The following AGBL1 variants were observed in gnomAD, a reference collection of about 807,000 sequenced individuals.
The protein encoded by AGBL1 is cytosolic carboxypeptidase 4.
In AGBL1, 130 loss-of-function variants were observed where a neutral mutation model predicts 118.9. The ratio of observed to expected loss-of-function variants is 1.09; its 90% CI spans 0.95 to 1.26. The LOEUF is 1.26. AGBL1 is among the 50% of genes most tolerant of loss of function. The probability of loss-of-function intolerance (pLI) is 0.00; values close to 1 mark genes in which losing one functional copy is unlikely to be tolerated. For missense variants in AGBL1, 1,584 were observed against 1,298.1 expected (o/e 1.22, Z -3.38); for synonymous variants, 555 against 478.9 (o/e 1.16, Z -2.08).
intron 22 of AGBL1, among the ~76,000 whole-genome samples, chr15:86,817,307 A>AC (rs1022066342): frequency 6.6e-6 from 1 of 151,568 alleles, no homozygotes; most frequent in African/African-American, 2.4e-5. Context: ...AAAAAAAAAA[A>AC]AAACCACCAA....
intron 21 of AGBL1, among the ~76,000 whole-genome samples, chr15:86,573,987 A>G (rs2142316233): frequency 6.6e-6 from 1 of 152,304 alleles, no homozygotes; most frequent in African/African-American, 2.4e-5. Context: ...ACATTTTCAT[A>G]AACTTTATTT....
rs2142013265 is a variant in AGBL1 at position 86,256,809 on chromosome 15, T to G, written c.736-44T>G. The G allele has an allele frequency of 1.9e-6, 3 of 1,604,470 alleles. No individual in the cohort carries two copies. In the Admixed American group the frequency reaches 5.0e-5, roughly 27 times the overall value. On this transcript the variant is annotated intron_variant, in intron 7 of 22. Coordinates refer to ENST00000614907, the MANE Select transcript of AGBL1 (RefSeq NM_001386094.1). ...ATTAGCTGTGTTACAGCTAGGGGAC[T>G]GTGCCCAGATGTTGGCATCTGATAT... is the stretch of plus-strand genomic sequence containing the variant.
chr15:86,395,711 C>G (rs568514038), intron 17 of AGBL1, among the ~76,000 whole-genome samples: 1 of 152,202 alleles, frequency 6.6e-6, no homozygotes, highest in South Asian at 2.1e-4. Context: ...CTGATCTACA[C>G]CCCTTAAATC....
intron 23 of AGBL1, among the ~76,000 whole-genome samples, chr15:86,980,746 G>T (rs116019359): frequency 2.0e-4 from 31 of 151,776 alleles, no homozygotes; most frequent in East Asian, 3.9e-4. Context: ...GTTCTCATTC[G>T]TTTCTCTTGC....
At chr15:87,029,161 A>C (rs551507209), downstream of AGBL1, 1 of 237,138 alleles carries the variant, frequency 4.2e-6, no homozygotes, top group Non-Finnish European at 8.1e-6. Context: ...CTTCACATAG[A>C]TAGTCTTCTA....
chr15:86,570,804 G>A (rs1007772444), intron 21 of AGBL1, among the ~76,000 whole-genome samples: 1 of 152,150 alleles, frequency 6.6e-6, no homozygotes, highest in Non-Finnish European at 1.5e-5. Context: ...TGTGGCTGGA[G>A]GCATCTTTGC....
At chr15:86,273,030 G>A (rs756326991) in intron 15 of AGBL1, among the ~76,000 whole-genome samples, 11 of 152,168 alleles carry the variant, frequency 7.2e-5, no homozygotes, top group Non-Finnish European at 1.3e-4. Context: ...ATGACTTTTA[G>A]TTTTCTCTGA....
chr15:86,747,669 C>T (rs922835393), intron 22 of AGBL1, among the ~76,000 whole-genome samples: 2 of 152,122 alleles, frequency 1.3e-5, no homozygotes, highest in Non-Finnish European at 2.9e-5. Flanking sequence ...TGATGTTCCC[C>T]TTCCTGTGTC....
At chr15:86,166,579 A>G (rs1191523784) in intron 5 of AGBL1, among the ~76,000 whole-genome samples, 1 of 152,032 alleles carries the variant, frequency 6.6e-6, no homozygotes, top group African/African-American at 2.4e-5. Context: ...CCTGTTTCTC[A>G]CCTTTGAGGT....
chr15:86,646,787 G>A (rs2142483471), intron 21 of AGBL1, among the ~76,000 whole-genome samples: 1 of 152,194 alleles, frequency 6.6e-6, no homozygotes, highest in East Asian at 1.9e-4. Flanking sequence ...TTGAGAAAAT[G>A]GAACGATTCT....
chr15:86,763,520 C>T (rs2078056439), intron 22 of AGBL1, among the ~76,000 whole-genome samples: 1 of 151,882 alleles, frequency 6.6e-6, no homozygotes, highest in South Asian at 2.1e-4. Context: ...TTATGAATAT[C>T]TGGGAGAGCT....
intron 17 of AGBL1, among the ~76,000 whole-genome samples, chr15:86,335,404 C>T (rs2080350705): frequency 6.6e-6 from 1 of 152,136 alleles, no homozygotes; most frequent in South Asian, 2.1e-4. Context: ...TCCTAAAGTG[C>T]TGGGATTACA....
At chr15:86,516,864 GCT>G (rs1296958036) in intron 18 of AGBL1, among the ~76,000 whole-genome samples, 6 of 151,878 alleles carry the variant, frequency 4.0e-5, no homozygotes, top group African/African-American at 1.2e-4. Context: ...ATGCGGTAGG[GCT>G]CTCTCTATAT....
chr15:86,564,076 CTT>C (rs1468130283), intron 21 of AGBL1, among the ~76,000 whole-genome samples: 1 of 152,136 alleles, frequency 6.6e-6, no homozygotes, highest in Non-Finnish European at 1.5e-5. Context: ...GGTCTTGACT[CTT>C]TATCCAATTT....
In AGBL1 at chr15:86,722,154, T is replaced by G. The variant is rs1323510916; in HGVS notation, c.3158+47718T>G. Among the ~76,000 whole-genome samples, 3 of 152,276 alleles carry G rather than the reference T, an allele frequency of 2.0e-5. No individual in the cohort carries two copies. In the East Asian group the frequency reaches 5.8e-4, roughly 29 times the overall value. On this transcript the variant is annotated intron_variant, in intron 22 of 22. Transcript: ENST00000614907. ...CTTTCTTCACAGAATTGGAAAAAAC[T>G]ACTTTAAAGTTCATATGGAACCAAA...
chr15:86,339,166 G>A (rs2080421245), intron 17 of AGBL1, among the ~76,000 whole-genome samples: 2 of 152,152 alleles, frequency 1.3e-5, no homozygotes, highest in South Asian at 4.1e-4. Context: ...AGCACTTGAA[G>A]AATATTGTGC....
intron 8 of AGBL1, 54 bp from the exon 9 acceptor site, chr15:86,257,910 A>G (rs2078922182): frequency 6.4e-7 from 1 of 1,574,704 alleles, no homozygotes; most frequent in Non-Finnish European, 8.7e-7. Flanking sequence ...TCTAAATCCT[A>G]AATCCCGGGC....
At chr15:87,016,355 G>GAGTT (rs1017568174) in intron 24 of AGBL1, among the ~76,000 whole-genome samples, 15 of 152,190 alleles carry the variant, frequency 9.9e-5, no homozygotes, top group African/African-American at 3.4e-4. Context: ...CAGCCTGGAG[G>GAGTT]AGTTAGAGAT....
At chr15:86,080,468 C>G (rs1307628808) in intron 1 of AGBL1, among the ~76,000 whole-genome samples, 1 of 152,146 alleles carries the variant, frequency 6.6e-6, no homozygotes, top group Non-Finnish European at 1.5e-5. Flanking sequence ...ACTGGGCTCC[C>G]ACATTGTAGT....
Sources: allele counts gnomAD v4.1 joint callset (sites outside exome capture counted in the v4.1 genomes callset), GRCh38; gene constraint gnomAD v4.1.1; transcripts MANE v1.5; gene names NCBI Gene and HGNC (gene_info 2026-07-23, HGNC 2026-07-21).